RGS7: variants seen among roughly 807,000 people sequenced by gnomAD.
The protein encoded by RGS7 is regulator of G-protein signaling 7.
A neutral mutation model predicts 81.1 loss-of-function variants in RGS7; 27 were observed. That is an observed-to-expected ratio of 0.33 (90% CI 0.25 to 0.46). The LOEUF (loss-of-function observed/expected upper bound fraction) is 0.46, where lower values mean the gene tolerates loss of function less well. Among genes scored for constraint, RGS7 ranks in the 20% least tolerant of loss-of-function variants. RGS7 has a pLI of 1.00. For synonymous variants in RGS7, 208 were observed against 207.7 expected (o/e 1.00, Z -0.01); for missense variants, 396 against 607.4 (o/e 0.65, Z 3.66).
intron 2 of RGS7, among the ~76,000 whole-genome samples, chr1:241,179,990 A>C (rs1384183592): frequency 3.3e-5 from 5 of 152,138 alleles, no homozygotes; most frequent in Non-Finnish European, 7.4e-5. Flanking sequence ...AAATGAGAAA[A>C]ACGAAATGTT....
rs1410561000 is a variant in RGS7, at chr1:240,814,759, G to T, written c.802C>A (p.Gln268Lys). Residue 268 changes from glutamine (Q) to lysine (K), a missense_variant, in exon 12 of 19, where the codon CAG becomes AAG. By Grantham distance (53) the Gln-to-Lys change is moderately conservative (BLOSUM62 1). Transcript: ENST00000440928. ...ATTTTTAACCGATGTCTATCTAACT[G>T]TATTTGCCAATATTTTATCTGAAAA... Reference protein sequence around the residue: ...LQQQIKYWQIQLDRHRLKMSK... With the variant: ...LQQQIKYWQIKLDRHRLKMSK... 6.3e-7 allele frequency: 1 copy of T among 1,596,500 alleles called. No individual in the cohort carries two copies. Among genetic ancestry groups the T allele is most frequent in the Non-Finnish European group, 8.6e-7 (1 of 1,164,422 alleles).
intron 18 of RGS7, among the ~76,000 whole-genome samples, chr1:240,798,123 A>G (rs1379662989): frequency 6.6e-6 from 1 of 152,170 alleles, no homozygotes; most frequent in Non-Finnish European, 1.5e-5. Context: ...AAAAGGTGAT[A>G]CCTGCCTGAC....
chr1:241,238,632 T>C (rs2076107199), intron 2 of RGS7, among the ~76,000 whole-genome samples: 2 of 152,106 alleles, frequency 1.3e-5, no homozygotes, highest in South Asian at 4.2e-4. Context: ...ACTCCTGGGG[T>C]CAAGTGATCC....
At chr1:240,816,209 C>T (rs1690768761) in intron 11 of RGS7, 108 bp downstream of exon 11, 8 of 764,182 alleles carry the variant, frequency 1.0e-5, no homozygotes, top group African/African-American at 1.7e-5. Context: ...ATGAAACAGT[C>T]AGTCATACAA....
intron 2 of RGS7, among the ~76,000 whole-genome samples, chr1:241,109,226 C>T (rs1390343508): frequency 1.3e-5 from 2 of 152,188 alleles, no homozygotes; most frequent in Non-Finnish European, 2.9e-5. Context: ...GCCTCACCTT[C>T]TCACATACAC....
chr1:241,351,885 A>G (rs1373255813), intron 2 of RGS7, among the ~76,000 whole-genome samples: 3 of 152,216 alleles, frequency 2.0e-5, no homozygotes. Context: ...AGCTGCAATA[A>G]TATCAGAAAT....
chr1:241,305,805 C>T (rs1162339958), intron 2 of RGS7: 2 of 279,510 alleles, frequency 7.2e-6, no homozygotes, highest in Non-Finnish European at 1.4e-5. Flanking sequence ...GAGGCGCCCG[C>T]TTGGCTGTGC....
At chr1:240,809,278 G>A (rs924204436) in intron 14 of RGS7, among the ~76,000 whole-genome samples, 3 of 152,114 alleles carry the variant, frequency 2.0e-5, no homozygotes, top group East Asian at 1.9e-4. Flanking sequence ...AGTAGTTATC[G>A]AGAAACAGTG....
intron 3 of RGS7, among the ~76,000 whole-genome samples, chr1:241,002,471 G>T (rs1688297099): frequency 6.7e-6 from 1 of 148,526 alleles, no homozygotes; most frequent in Admixed American, 6.7e-5. Flanking sequence ...AAAAAAAAAT[G>T]GTACCACACT....
chr1:241,088,812 C>A (rs2063637839), intron 3 of RGS7, among the ~76,000 whole-genome samples: 1 of 151,508 alleles, frequency 6.6e-6, no homozygotes, highest in African/African-American at 2.4e-5. Flanking sequence ...GAGATCGAGA[C>A]CATCCTGGCT....
At position 240,955,361 on chromosome 1, in the gene RGS7, G is replaced by A. The variant is rs983801912; in HGVS notation, c.227-18655C>T. On this transcript the variant is annotated intron_variant, in intron 4 of 18. Transcript: ENST00000440928. The stretch of plus-strand genomic sequence containing the variant: ...AGGTCAGGAGATCTAGACCATCCTG[G>A]TTAACACGGTGAAACCCTGTCTCTA... Among the ~76,000 whole-genome samples the A allele has an allele frequency of 2.0e-5, 3 of 152,050 alleles. No individual in the cohort carries two copies. The East Asian group carries it at 5.8e-4, about 29-fold the overall frequency.
rs79371223 is a variant in RGS7 at position 241,054,783 on chromosome 1, T to C, written c.175+43883A>G. ...TCTGATTTGTCAGCAAATCCAATCATGTCTTATCCTTTCCACTGTTTCCAC... is the reference window on the plus strand; with the variant it reads ...TCTGATTTGTCAGCAAATCCAATCACGTCTTATCCTTTCCACTGTTTCCAC... On this transcript the variant is annotated intron_variant, in intron 3 of 18. Transcript: ENST00000440928. 7.2e-3 allele frequency among the ~76,000 whole-genome samples: 1,103 copies of C among 152,324 alleles called. 13 individuals are homozygous for C. The highest frequency in any genetic ancestry group is 0.025 in the African/African-American group (1,054 of 41,586).
intron 5 of RGS7, 113 bp downstream of exon 5, chr1:240,936,487 A>T (rs1676658586): frequency 1.3e-6 from 1 of 793,440 alleles, no homozygotes; most frequent in Non-Finnish European, 2.2e-6. Flanking sequence ...AACTAGCCTA[A>T]GTCAAAGTAA....
At position 241,354,073 on chromosome 1, in the gene RGS7, C is replaced by T. The variant is rs184463960; in HGVS notation, c.78+1626G>A. Among the ~76,000 whole-genome samples the T allele has an allele frequency of 1.7e-3, 263 of 152,204 alleles. 1 individual carries two copies. Among genetic ancestry groups the T allele is most frequent in the Non-Finnish European group, 2.7e-3 (183 of 67,978 alleles). Reference sequence around the variant, plus strand: ...GAGGGAATACAATTGTTTAGCCTAACGGAAATAGCTTACTACTATAATTTT... The same window carrying T: ...GAGGGAATACAATTGTTTAGCCTAATGGAAATAGCTTACTACTATAATTTT... On this transcript the variant is annotated intron_variant, in intron 2 of 18. Coordinates refer to ENST00000440928, the MANE Select transcript of RGS7 (RefSeq NM_001364886.1).
chr1:241,258,288 A>G (rs909426460), intron 2 of RGS7, among the ~76,000 whole-genome samples: 1 of 152,164 alleles, frequency 6.6e-6, no homozygotes, highest in Non-Finnish European at 1.5e-5. Flanking sequence ...ATGTAGATAA[A>G]ACAAATTGAC....
At chr1:240,851,786 T>C (rs1660147590) in intron 9 of RGS7, among the ~76,000 whole-genome samples, 1 of 152,122 alleles carries the variant, frequency 6.6e-6, no homozygotes, top group Non-Finnish European at 1.5e-5. Flanking sequence ...GAAGAAGTAA[T>C]CGCAGATGTG....
At chr1:241,210,684 A>G (rs1158899763) in intron 2 of RGS7, among the ~76,000 whole-genome samples, 1 of 152,218 alleles carries the variant, frequency 6.6e-6, no homozygotes, top group Non-Finnish European at 1.5e-5. Flanking sequence ...ATTACAAAGT[A>G]CAAGGATTAG....
At chr1:240,900,273 T>C (rs1353150251) in intron 6 of RGS7, among the ~76,000 whole-genome samples, 3 of 152,228 alleles carry the variant, frequency 2.0e-5, no homozygotes, top group Non-Finnish European at 4.4e-5. Context: ...ACCGATCGTC[T>C]GAAGCCTTCT....
chr1:240,909,619 A>G (rs545930446), intron 6 of RGS7, among the ~76,000 whole-genome samples: 166 of 152,356 alleles, frequency 1.1e-3, no homozygotes, highest in African/African-American at 3.8e-3. Context: ...ACAGAGCACA[A>G]GGAGATACAG....
Sources: allele counts gnomAD v4.1 joint callset (sites outside exome capture counted in the v4.1 genomes callset), GRCh38; gene constraint gnomAD v4.1.1; transcripts MANE v1.5; gene names NCBI Gene and HGNC (gene_info 2026-07-23, HGNC 2026-07-21).